Variants in ENPP6 observed in about 807,000 individuals in gnomAD.
ENPP6 encodes glycerophosphocholine cholinephosphodiesterase ENPP6.
Under a neutral mutation model 42.0 loss-of-function variants are expected in ENPP6, and 32 were observed. That is an observed-to-expected ratio of 0.76 (90% CI 0.58 to 1.02). ENPP6 has a LOEUF of 1.02. Among genes scored for constraint, ENPP6 ranks in the 50% least tolerant of loss-of-function variants. The pLI, the probability that ENPP6 is intolerant of heterozygous loss-of-function variation, is 0.00. For missense variants in ENPP6, 552 were observed against 566.8 expected (o/e 0.97, Z 0.27); for synonymous variants, 213 against 216.0 (o/e 0.99, Z 0.12).
chr4:184,152,477 C>T (rs898530681), intron 2 of ENPP6, among the ~76,000 whole-genome samples: 5 of 152,162 alleles, frequency 3.3e-5, no homozygotes, highest in Non-Finnish European at 7.3e-5. Context: ...GCCACTTCAC[C>T]CCATCTCCTA....
intron 6 of ENPP6, 152 bp from the exon 7 acceptor site, chr4:184,097,520 G>A: frequency 9.2e-7 from 1 of 1,092,162 alleles, no homozygotes; most frequent in East Asian, 2.6e-5. Flanking sequence ...GGCACTTCCT[G>A]CTCCAGGCCG....
At chr4:184,124,082 C>T in intron 3 of ENPP6, 79 bp downstream of exon 3, 2 of 1,140,222 alleles carry the variant, frequency 1.8e-6, no homozygotes, top group African/African-American at 3.1e-5. Flanking sequence ...CCACAAAGCC[C>T]TCTTAATTCA....
intron 2 of ENPP6, among the ~76,000 whole-genome samples, chr4:184,130,841 T>C (rs13137101): frequency 0.68 from 103,288 of 151,892 alleles, 35,422 homozygotes; most frequent in African/African-American, 0.73. Flanking sequence ...GTAGTGTTAA[T>C]TTCCAACTGC....
intron 1 of ENPP6, among the ~76,000 whole-genome samples, chr4:184,173,293 G>T (rs1737504997): frequency 6.6e-6 from 1 of 152,196 alleles, no homozygotes; most frequent in Non-Finnish European, 1.5e-5. Context: ...TCAAAGGTGG[G>T]ATTCATGAAT....
At position 184,091,311 on chromosome 4, in the gene ENPP6, C is replaced by T. The variant is rs765288461; in HGVS notation, c.1189G>A (p.Gly397Ser). The change falls in exon 8 of 8, where the codon GGC becomes AGC. Residue 397 changes from glycine (G) to serine (S), a missense_variant. Physicochemically the swap from Gly to Ser is moderately conservative, Grantham distance 56. This residue lies in a region of ENPP6 where 545 missense variants were observed against 546.3 expected (regional missense o/e 1.00). Transcript: ENST00000296741. ...DVYNVMCNVV[G>S]ITPLPNNGSW... The stretch of plus-strand genomic sequence containing the variant: ...CCGTTGTTGGGCAGCGGGGTGATGC[C>T]CACCACATTGCACATGACATTGTAG... 16 of 1,614,008 alleles carry T rather than the reference C, an allele frequency of 9.9e-6. No homozygotes were observed. The highest frequency in any genetic ancestry group is 1.4e-5 in the Non-Finnish European group (16 of 1,180,018).
At chr4:184,160,477 C>T (rs889181934) in intron 1 of ENPP6, among the ~76,000 whole-genome samples, 5 of 152,052 alleles carry the variant, frequency 3.3e-5, no homozygotes, top group African/African-American at 4.8e-5. Context: ...TGACTTTTGC[C>T]CATTTTTTGA....
intron 6 of ENPP6, among the ~76,000 whole-genome samples, chr4:184,099,128 G>C (rs1030969301): frequency 1.3e-5 from 2 of 152,240 alleles, no homozygotes; most frequent in Non-Finnish European, 2.9e-5. Context: ...CACACAGCTA[G>C]TGCAAGGCAG....
At chr4:184,132,020 G>A (rs1174098240) in intron 2 of ENPP6, among the ~76,000 whole-genome samples, 1 of 152,122 alleles carries the variant, frequency 6.6e-6, no homozygotes, top group Non-Finnish European at 1.5e-5. Flanking sequence ...GGATGTCCCA[G>A]CTGAAGCGAT....
chr4:184,105,911 C>T (rs10010069), intron 6 of ENPP6, among the ~76,000 whole-genome samples: 53,223 of 152,044 alleles, frequency 0.35, 9,917 homozygotes, highest in Non-Finnish European at 0.43. Flanking sequence ...TGCTCATGAC[C>T]TCAGTTATTT....
At chr4:184,211,540 A>G (rs1026833996) in intron 1 of ENPP6, among the ~76,000 whole-genome samples, 115 of 152,256 alleles carry the variant, frequency 7.6e-4, no homozygotes, top group Non-Finnish European at 1.3e-3. Context: ...TAAACCAGGA[A>G]GGAATTGAAT....
In ENPP6 at chr4:184,097,578, A is replaced by G. The variant is rs551081496; in HGVS notation, c.994-210T>C. Among the ~76,000 whole-genome samples, 3 of 152,318 alleles carry G rather than the reference A, an allele frequency of 2.0e-5. 1 individual carries two copies. The South Asian group carries it at 6.2e-4, about 32-fold the overall frequency. ...ATTCGATTGCTAAGCGCTGTGGTTA[A>G]CAAGGTGTTTTCCTACGTGGGGCTG... On this transcript the variant is annotated intron_variant, in intron 6 of 7. Coordinates refer to ENST00000296741, the MANE Select transcript of ENPP6 (RefSeq NM_153343.4).
At chr4:184,170,161 GGCTCAC>G (rs1737437809) in intron 1 of ENPP6, among the ~76,000 whole-genome samples, 1 of 152,232 alleles carries the variant, frequency 6.6e-6, no homozygotes, top group African/African-American at 2.4e-5. Flanking sequence ...CGGGAAAGGT[GGCTCAC>G]GCCTGTAATC....
intron 2 of ENPP6, among the ~76,000 whole-genome samples, chr4:184,129,197 A>G (rs997069223): frequency 5.3e-5 from 8 of 152,016 alleles, no homozygotes; most frequent in African/African-American, 1.5e-4. Flanking sequence ...ATCAGGAGGC[A>G]TGTAAGCGTT....
At chr4:184,206,487 A>C (rs532388889) in intron 1 of ENPP6, among the ~76,000 whole-genome samples, 1 of 148,762 alleles carries the variant, frequency 6.7e-6, no homozygotes, top group African/African-American at 2.5e-5. Flanking sequence ...CGATCTCCTG[A>C]CCTCGTGATC....
chr4:184,161,592 C>T (rs1737257620), intron 1 of ENPP6, among the ~76,000 whole-genome samples: 1 of 152,120 alleles, frequency 6.6e-6, no homozygotes, highest in African/African-American at 2.4e-5. Context: ...ATGTTTATAG[C>T]AGCACAATTC....
intron 2 of ENPP6, among the ~76,000 whole-genome samples, chr4:184,129,281 C>CT (rs1736555815): frequency 7.6e-6 from 1 of 131,428 alleles, no homozygotes; most frequent in African/African-American, 2.9e-5. Flanking sequence ...ACACAAACAC[C>CT]CCCCCAACAT....
At chr4:184,145,501 C>T (rs770319370) in intron 2 of ENPP6, among the ~76,000 whole-genome samples, 18 of 152,212 alleles carry the variant, frequency 1.2e-4, no homozygotes, top group Admixed American at 8.5e-4. Context: ...CTCCTTTGCC[C>T]GCTGCACGCG....
Position 184,184,296 on chromosome 4 carries a change from AAGAT to A in ENPP6, c.242-30567_242-30564del, listed in dbSNP as rs1399452540. Reference sequence around the variant, plus strand: ...CTTTATGACGTGTTTAAAGAAATAAAAGATAGAATCAAAATTAGCAAGGAACAAG... The same window carrying A: ...CTTTATGACGTGTTTAAAGAAATAAAAGAATCAAAATTAGCAAGGAACAAG... On this transcript the variant is annotated intron_variant, in intron 1 of 7. Coordinates refer to ENST00000296741, the MANE Select transcript of ENPP6 (RefSeq NM_153343.4). The surrounding 1 kb of genome is among the most constrained non-coding windows in gnomAD (Gnocchi z 4.7). 2.0e-5 allele frequency among the ~76,000 whole-genome samples: 3 copies of A among 152,234 alleles called. No individual in the cohort carries two copies. Among genetic ancestry groups the A allele is most frequent in the African/African-American group, 7.2e-5 (3 of 41,464 alleles).
chr4:184,193,927 C>T (rs903652583), intron 1 of ENPP6, among the ~76,000 whole-genome samples: 10 of 152,302 alleles, frequency 6.6e-5, no homozygotes, highest in East Asian at 3.9e-4. Flanking sequence ...ATGCTACTGA[C>T]TTTCTTCTAT....
Sources: gnomAD v4.1 joint callset for allele counts (sites outside exome capture counted in the v4.1 genomes callset) on GRCh38, gnomAD v4.1.1 for gene constraint, gnomAD v4.1.1 regional missense constraint, Gnocchi (gnomAD v3.1) non-coding constraint, MANE v1.5 for transcripts, NCBI Gene and HGNC (gene_info 2026-07-23, HGNC 2026-07-21) for gene names.